The following LRP1B variants were observed in gnomAD, a reference collection of about 807,000 sequenced individuals.
LRP1B encodes low-density lipoprotein receptor-related protein 1B.
Under a neutral mutation model 556.6 loss-of-function variants are expected in LRP1B, and 217 were observed. The ratio of observed to expected loss-of-function variants is 0.39; its 90% CI spans 0.35 to 0.44. LRP1B has a LOEUF of 0.44. LRP1B is among the 20% of genes least tolerant of loss of function. LRP1B has a pLI of 1.00. For missense variants in LRP1B, 5,053 were observed against 5,620.8 expected (o/e 0.90, Z 3.23); for synonymous variants, 2,047 against 1,865.8 (o/e 1.10, Z -2.50).
At chr2:140,956,696 T>A (rs1477585717) in intron 18 of LRP1B, among the ~76,000 whole-genome samples, 1 of 151,744 alleles carries the variant, frequency 6.6e-6, no homozygotes, top group Non-Finnish European at 1.5e-5. Flanking sequence ...GTTTTGCCAC[T>A]CTTTCCTTGC....
chr2:140,406,322 A>G lies in LRP1B; in HGVS notation c.10415-20313T>C, dbSNP rs547333535. 1.4e-4 allele frequency among the ~76,000 whole-genome samples: 22 copies of G among 152,228 alleles called. No homozygotes were observed. In the South Asian group the frequency reaches 4.6e-3, roughly 32 times the overall value. On this transcript the variant is annotated intron_variant, in intron 66 of 90. Transcript: ENST00000389484. ...CACTTTCACCACTTCTATTTGATAT[A>G]CTACTGAAAGTCCCAAGCCAGAGCA...
At chr2:140,709,298 G>A (rs1399147706) in intron 37 of LRP1B, among the ~76,000 whole-genome samples, 1 of 152,020 alleles carries the variant, frequency 6.6e-6, no homozygotes, top group African/African-American at 2.4e-5. Context: ...ACATCTTAAT[G>A]GGGCTTCCTA....
At chr2:142,016,179 C>G (rs887902609) in intron 1 of LRP1B, among the ~76,000 whole-genome samples, 1 of 151,962 alleles carries the variant, frequency 6.6e-6, no homozygotes, top group Admixed American at 6.6e-5. Context: ...AGTCAGGAAA[C>G]AGATGCTGGA....
intron 1 of LRP1B, among the ~76,000 whole-genome samples, chr2:142,075,232 T>C (rs950299645): frequency 3.3e-5 from 5 of 152,112 alleles, no homozygotes; most frequent in African/African-American, 9.7e-5. Context: ...TTAAGAAATA[T>C]AGGCAAATCT....
At chr2:142,048,848 T>G (rs886715897) in intron 1 of LRP1B, among the ~76,000 whole-genome samples, 2 of 152,020 alleles carry the variant, frequency 1.3e-5, no homozygotes, top group African/African-American at 4.8e-5. Context: ...AAAGAGAAGA[T>G]TCATGTCTTT....
intron 1 of LRP1B, among the ~76,000 whole-genome samples, chr2:141,826,312 G>T (rs569175234): frequency 6.0e-5 from 9 of 149,862 alleles, no homozygotes; most frequent in Admixed American, 3.3e-4. Flanking sequence ...ATTTAATAAG[G>T]ATATGATAGA....
At chr2:140,719,669 T>C (rs1365349053) in intron 35 of LRP1B, among the ~76,000 whole-genome samples, 1 of 152,058 alleles carries the variant, frequency 6.6e-6, no homozygotes, top group African/African-American at 2.4e-5. Context: ...AGGTAGTTTG[T>C]AATACTGAAG....
chr2:141,046,307 G>A (rs1017419588), intron 11 of LRP1B, among the ~76,000 whole-genome samples: 1 of 152,058 alleles, frequency 6.6e-6, no homozygotes, highest in Non-Finnish European at 1.5e-5. Context: ...CAGTCTTCAG[G>A]TTGAAAGGTA....
intron 3 of LRP1B, among the ~76,000 whole-genome samples, chr2:141,409,073 G>A (rs995690819): frequency 1.3e-5 from 2 of 152,132 alleles, no homozygotes; most frequent in Admixed American, 1.3e-4. Context: ...CATTGAATGA[G>A]TTAGTAATTG....
In LRP1B at chr2:140,691,030, T is replaced by C. The variant is rs552215093; in HGVS notation, c.6799+9220A>G. On this transcript the variant is annotated intron_variant, in intron 41 of 90. Transcript: ENST00000389484. The stretch of plus-strand genomic sequence containing the variant: ...ATTCTATGATCAAATTAAAACTATA[T>C]GCATTCTAAAAGTTGATTTTTTAGC... 5.9e-5 allele frequency among the ~76,000 whole-genome samples: 9 copies of C among 152,294 alleles called. No individual in the cohort carries two copies. The South Asian group carries it at 1.9e-3, about 32-fold the overall frequency.
chr2:141,865,517 G>A (rs1397034438), intron 1 of LRP1B, among the ~76,000 whole-genome samples: 12 of 147,042 alleles, frequency 8.2e-5, no homozygotes, highest in Admixed American at 1.4e-4. Flanking sequence ...GCGTGAACCC[G>A]GGAGGCGGAG....
intron 7 of LRP1B, among the ~76,000 whole-genome samples, chr2:141,067,698 G>T (rs1699515909): frequency 6.6e-6 from 1 of 151,956 alleles, no homozygotes; most frequent in African/African-American, 2.4e-5. Context: ...TCTCTTCACA[G>T]ATAATTAGAC....
Position 140,444,623 on chromosome 2 carries a change from G to A in LRP1B, c.10114C>T (p.Pro3372Ser). Residue 3372 changes from proline (P) to serine (S), a missense_variant, in exon 64 of 91, where the codon CCA (proline) becomes TCA (serine). By Grantham distance (74) the Pro-to-Ser change is moderately conservative. Transcript: ENST00000389484. The stretch of plus-strand genomic sequence containing the variant: ...TTCTCTCCATCACAGATGAAAGCTG[G>A]TAGAGCACAGAGTCCAGTCCCACAC... ...FQCGTGLCALPAFICDGENDC... is the reference protein window; with the variant it reads ...FQCGTGLCALSAFICDGENDC... 1.2e-6 allele frequency: 2 copies of A among 1,613,972 alleles called. No individual in the cohort carries two copies. The highest frequency in any genetic ancestry group is 1.7e-6 in the Non-Finnish European group (2 of 1,179,932).
chr2:141,296,766 T>C (rs551142680), intron 3 of LRP1B, among the ~76,000 whole-genome samples: 77 of 152,288 alleles, frequency 5.1e-4, no homozygotes, highest in African/African-American at 1.8e-3. Flanking sequence ...GTTTTTTACA[T>C]GGGTATATCG....
chr2:141,224,219 T>G (rs1169380140), intron 6 of LRP1B, among the ~76,000 whole-genome samples: 3 of 152,032 alleles, frequency 2.0e-5, no homozygotes, highest in Non-Finnish European at 4.4e-5. Flanking sequence ...AGATGACATG[T>G]ATATGGCCAG....
In LRP1B at chr2:140,233,128, A is replaced by C; in HGVS notation, c.*58T>G. On this transcript the variant is annotated 3_prime_UTR_variant, in exon 91 of 91. Coordinates refer to ENST00000389484, the MANE Select transcript of LRP1B (RefSeq NM_018557.3). ...AAAACAAGTATAATACTGTTGGAAC[A>C]TACAAAAGTAATCCTTATATTTTAT... is the stretch of plus-strand genomic sequence containing the variant. 1 of 1,135,150 alleles carries C rather than the reference A, an allele frequency of 8.8e-7. No individual in the cohort carries two copies. The highest frequency in any genetic ancestry group is 1.2e-6 in the Non-Finnish European group (1 of 813,448). The allele number at this position is 1,135,150 out of a possible 1,614,324, so 70.3% of individuals were successfully genotyped here. A position where few individuals can be genotyped will look rare whatever the true frequency, so the allele number is the denominator to read the frequency against.
chr2:141,257,771 C>T (rs763181857), intron 3 of LRP1B, among the ~76,000 whole-genome samples: 1 of 151,972 alleles, frequency 6.6e-6, no homozygotes, highest in Non-Finnish European at 1.5e-5. Flanking sequence ...GCTAACAGAT[C>T]GTGAAGAACC....
At chr2:141,929,250 T>C (rs1040584179) in intron 1 of LRP1B, among the ~76,000 whole-genome samples, 3 of 152,122 alleles carry the variant, frequency 2.0e-5, no homozygotes, top group African/African-American at 7.2e-5. Context: ...AAACCTCCAC[T>C]AACGTACACG....
intron 1 of LRP1B, among the ~76,000 whole-genome samples, chr2:142,126,528 G>A (rs920283412): frequency 1.2e-4 from 18 of 151,772 alleles, no homozygotes; most frequent in African/African-American, 4.1e-4. Context: ...GTTGGCACAG[G>A]CATGTTTAAC....
Sources: allele counts gnomAD v4.1 joint callset (sites outside exome capture counted in the v4.1 genomes callset), GRCh38; gene constraint gnomAD v4.1.1; transcripts MANE v1.5; gene names NCBI Gene and HGNC (gene_info 2026-07-23, HGNC 2026-07-21).